Variants in SLC8A1 observed in about 807,000 individuals in gnomAD.
The protein encoded by SLC8A1 is sodium/calcium exchanger 1.
In SLC8A1, 18 loss-of-function variants were observed where a neutral mutation model predicts 68.3. The ratio of observed to expected loss-of-function variants is 0.26; its 90% CI spans 0.18 to 0.39. The LOEUF is 0.39. Among genes scored for constraint, SLC8A1 ranks in the 10% least tolerant of loss-of-function variants. The probability of loss-of-function intolerance (pLI) is 1.00; values close to 1 mark genes in which losing one functional copy is unlikely to be tolerated. For synonymous variants in SLC8A1, 475 were observed against 415.5 expected (o/e 1.14, Z -1.74); for missense variants, 985 against 1,156.7 (o/e 0.85, Z 2.15).
intron 1 of SLC8A1, among the ~76,000 whole-genome samples, chr2:40,475,440 A>T (rs188561020): frequency 1.3e-5 from 2 of 152,132 alleles, no homozygotes; most frequent in Admixed American, 6.5e-5. Flanking sequence ...GCCTATAAAA[A>T]TTATTGAGGA....
At chr2:40,400,609 G>A (rs1347843451) in intron 2 of SLC8A1, among the ~76,000 whole-genome samples, 1 of 152,156 alleles carries the variant, frequency 6.6e-6, no homozygotes, top group African/African-American at 2.4e-5. Context: ...CAGGCAGACA[G>A]GGAGGAAATG....
chr2:40,160,692 A>C, intron 6 of SLC8A1, 73 bp downstream of exon 9: 2 of 1,334,870 alleles, frequency 1.5e-6, no homozygotes, highest in Non-Finnish European at 2.2e-6. Flanking sequence ...GCCATAGACC[A>C]AGTAGCCACA....
chr2:40,252,914 T>TAC (rs2063063061), intron 2 of SLC8A1, among the ~76,000 whole-genome samples: 1 of 134,272 alleles, frequency 7.4e-6, no homozygotes, highest in South Asian at 2.2e-4. Flanking sequence ...TGTATATGTG[T>TAC]ATATATACAT....
chr2:40,189,996 G>A (rs2051457334), intron 2 of SLC8A1: 2 of 151,994 alleles, frequency 1.3e-5, no homozygotes, highest in African/African-American at 2.4e-5. Flanking sequence ...TTCTCTCCTC[G>A]GTCATTACTA....
chr2:40,466,956 A>G (rs1249574906), intron 1 of SLC8A1, among the ~76,000 whole-genome samples: 1 of 133,522 alleles, frequency 7.5e-6, no homozygotes, highest in Admixed American at 8.6e-5. Context: ...TAAATACCTT[A>G]CAGGAATGAG....
At chr2:40,194,860 T>A (rs550624360) in intron 2 of SLC8A1, among the ~76,000 whole-genome samples, 1 of 152,018 alleles carries the variant, frequency 6.6e-6, no homozygotes, top group South Asian at 2.1e-4. Flanking sequence ...TAGTAGGATA[T>A]CAGGGAGTCT....
chr2:40,368,309 C>T (rs529858228), intron 2 of SLC8A1, among the ~76,000 whole-genome samples: 12 of 152,076 alleles, frequency 7.9e-5, no homozygotes, highest in East Asian at 1.9e-4. Context: ...ATTTTCCCAA[C>T]GCTTTTGCAA....
intron 2 of SLC8A1, among the ~76,000 whole-genome samples, chr2:40,314,598 C>T (rs139437801): frequency 7.9e-5 from 12 of 151,828 alleles, no homozygotes; most frequent in South Asian, 6.2e-4. Flanking sequence ...TTGGGAAGAA[C>T]GATTATCTTA....
At chr2:40,190,620 G>A (rs1422838800) in intron 2 of SLC8A1, 8 of 152,156 alleles carry the variant, frequency 5.3e-5, no homozygotes. Context: ...CCGTCACGCT[G>A]AGGGATGCCT....
At chr2:40,254,170 CAA>C (rs889058995) in intron 2 of SLC8A1, among the ~76,000 whole-genome samples, 3 of 149,122 alleles carry the variant, frequency 2.0e-5, no homozygotes, top group Non-Finnish European at 3.0e-5. Flanking sequence ...ATTATGTCAA[CAA>C]AAAATTAATA....
chr2:40,359,593 A>C (rs1673905737), intron 2 of SLC8A1, among the ~76,000 whole-genome samples: 1 of 152,164 alleles, frequency 6.6e-6, no homozygotes, highest in African/African-American at 2.4e-5. Context: ...TTTAGGGTCA[A>C]GAAGTAGAGA....
intron 2 of SLC8A1, among the ~76,000 whole-genome samples, chr2:40,367,414 G>A (rs1224927771): frequency 6.6e-6 from 1 of 151,902 alleles, no homozygotes; most frequent in Non-Finnish European, 1.5e-5. Context: ...TGCATCCATG[G>A]TATCGCTACA....
intron 2 of SLC8A1, among the ~76,000 whole-genome samples, chr2:40,400,405 C>G (rs1198144474): frequency 6.6e-6 from 1 of 152,154 alleles, no homozygotes; most frequent in African/African-American, 2.4e-5. Context: ...TCAGACTGGG[C>G]TATCTGAGAA....
At chr2:40,166,785 A>G (rs2046619124) in intron 4 of SLC8A1, among the ~76,000 whole-genome samples, 1 of 152,242 alleles carries the variant, frequency 6.6e-6, no homozygotes, top group South Asian at 2.1e-4. Context: ...AGTAGTTTTC[A>G]TAGCAGTAGT....
intron 2 of SLC8A1, among the ~76,000 whole-genome samples, chr2:40,350,186 C>T (rs1033376868): frequency 1.3e-4 from 20 of 152,106 alleles, no homozygotes; most frequent in African/African-American, 3.4e-4. Flanking sequence ...AAACTATCAA[C>T]GACGCCATTT....
chr2:40,398,811 T>C (rs904042746), intron 2 of SLC8A1, among the ~76,000 whole-genome samples: 6 of 152,298 alleles, frequency 3.9e-5, no homozygotes, highest in Middle Eastern at 3.4e-3. Context: ...CAGTTACAGC[T>C]CTTCTTCAAC....
chr2:40,157,837 C>T (rs952549325), intron 6 of SLC8A1, among the ~76,000 whole-genome samples: 12 of 152,184 alleles, frequency 7.9e-5, no homozygotes, highest in African/African-American at 2.7e-4. Flanking sequence ...ACTGCTTAAT[C>T]GCTTCCTAAT....
chr2:40,347,927 T>C (rs1003832087), intron 2 of SLC8A1, among the ~76,000 whole-genome samples: 3 of 152,142 alleles, frequency 2.0e-5, no homozygotes, highest in Admixed American at 2.0e-4. Flanking sequence ...TTCTTTTCTG[T>C]CTAAGATGGC....
At chr2:40,431,481 C>T (rs958844676) in intron 1 of SLC8A1, among the ~76,000 whole-genome samples, 1 of 152,000 alleles carries the variant, frequency 6.6e-6, no homozygotes, top group Non-Finnish European at 1.5e-5. Flanking sequence ...TGGACTCAAC[C>T]ACCATGGCCT....
Sources: gnomAD v4.1 joint callset for allele counts (sites outside exome capture counted in the v4.1 genomes callset) on GRCh38, gnomAD v4.1.1 for gene constraint, MANE v1.5 for transcripts, NCBI Gene and HGNC (gene_info 2026-07-23, HGNC 2026-07-21) for gene names.